Variants in EPHA6 observed in about 807,000 individuals in gnomAD.
The protein encoded by EPHA6 is ephrin type-A receptor 6.
Under a neutral mutation model 112.0 loss-of-function variants are expected in EPHA6, and 50 were observed. The ratio of observed to expected loss-of-function variants is 0.45; its 90% CI spans 0.36 to 0.56. The LOEUF (loss-of-function observed/expected upper bound fraction) is 0.56, where lower values mean the gene tolerates loss of function less well. EPHA6 is among the 20% of genes least tolerant of loss of function. The pLI is 0.00. For missense variants in EPHA6, 1,280 were observed against 1,417.4 expected (o/e 0.90, Z 1.56); for synonymous variants, 529 against 490.7 (o/e 1.08, Z -1.03).
intron 3 of EPHA6, among the ~76,000 whole-genome samples, chr3:97,223,592 G>A (rs2078266579): frequency 1.3e-5 from 2 of 152,138 alleles, no homozygotes; most frequent in African/African-American, 4.8e-5. Context: ...TGCTTGGGAG[G>A]CAGTTATCAA....
At chr3:97,728,610 C>T (rs897991804) in intron 15 of EPHA6, among the ~76,000 whole-genome samples, 1 of 152,104 alleles carries the variant, frequency 6.6e-6, no homozygotes, top group African/African-American at 2.4e-5. Context: ...AAAGTTCCTA[C>T]AGACTAAATC....
chr3:97,699,672 A>C (rs1367075867), intron 14 of EPHA6, among the ~76,000 whole-genome samples: 3 of 152,230 alleles, frequency 2.0e-5, no homozygotes, highest in Admixed American at 2.0e-4. Context: ...CAACATAGAA[A>C]TTAAAACTTA....
intron 7 of EPHA6, among the ~76,000 whole-genome samples, chr3:97,461,042 A>G (rs1487931272): frequency 1.3e-5 from 2 of 152,176 alleles, no homozygotes; most frequent in Admixed American, 1.3e-4. Context: ...AGTATCTGAC[A>G]CAAGTAACAC....
intron 2 of EPHA6, among the ~76,000 whole-genome samples, chr3:96,910,232 A>G (rs139804373): frequency 9.9e-5 from 15 of 152,132 alleles, no homozygotes; most frequent in Non-Finnish European, 1.9e-4. Context: ...TAATCCATCC[A>G]ATTTCTGAGG....
intron 16 of EPHA6, among the ~76,000 whole-genome samples, chr3:97,737,308 C>T (rs2035302648): frequency 1.3e-5 from 2 of 151,854 alleles, no homozygotes; most frequent in South Asian, 2.1e-4. Context: ...ACTGTGAGTG[C>T]AAAACAAGGA....
intron 5 of EPHA6, among the ~76,000 whole-genome samples, chr3:97,268,967 A>G (rs919592469): frequency 2.6e-5 from 4 of 152,212 alleles, no homozygotes; most frequent in Non-Finnish European, 5.9e-5. Flanking sequence ...GTTTCTAACT[A>G]TATGTTACTT....
At chr3:97,020,720 T>C (rs1380553152) in intron 3 of EPHA6, among the ~76,000 whole-genome samples, 1 of 152,214 alleles carries the variant, frequency 6.6e-6, no homozygotes, top group African/African-American at 2.4e-5. Flanking sequence ...GATAAAAATT[T>C]ACTTGCTAAA....
intron 6 of EPHA6, among the ~76,000 whole-genome samples, chr3:97,410,593 C>T (rs548277635): frequency 1.2e-4 from 19 of 152,068 alleles, no homozygotes; most frequent in Admixed American, 3.9e-4. Flanking sequence ...AGTTAAATGT[C>T]GTTATTACAC....
chr3:97,136,665 G>A (rs2075777488), intron 3 of EPHA6, among the ~76,000 whole-genome samples: 1 of 152,134 alleles, frequency 6.6e-6, no homozygotes, highest in Non-Finnish European at 1.5e-5. Flanking sequence ...GGAGATGGAG[G>A]CTACAGTGAG....
At chr3:97,162,363 C>T (rs925577685) in intron 3 of EPHA6, among the ~76,000 whole-genome samples, 2 of 152,146 alleles carry the variant, frequency 1.3e-5, no homozygotes, top group African/African-American at 4.8e-5. Flanking sequence ...TGGGATTCTG[C>T]CACCAGCTGA....
chr3:96,959,299 C>G (rs1026885832), intron 2 of EPHA6, among the ~76,000 whole-genome samples: 3 of 152,084 alleles, frequency 2.0e-5, no homozygotes, highest in Non-Finnish European at 2.9e-5. Flanking sequence ...AGCCATTTGT[C>G]TATTTTCTTT....
At chr3:96,926,990 T>C (rs1322999008) in intron 2 of EPHA6, among the ~76,000 whole-genome samples, 1 of 152,076 alleles carries the variant, frequency 6.6e-6, no homozygotes, top group Non-Finnish European at 1.5e-5. Context: ...CTAGCAAAGG[T>C]TCTCCATGAA....
At chr3:96,927,918 C>G (rs1269929483) in intron 2 of EPHA6, among the ~76,000 whole-genome samples, 1 of 152,112 alleles carries the variant, frequency 6.6e-6, no homozygotes, top group East Asian at 1.9e-4. Context: ...GCTGGGCAGG[C>G]CTCAGAAACA....
chr3:97,145,875 T>C (rs1315393766), intron 3 of EPHA6, among the ~76,000 whole-genome samples: 1 of 151,650 alleles, frequency 6.6e-6, no homozygotes, highest in African/African-American at 2.4e-5. Context: ...ACTTCAAGAA[T>C]GTATTGGTTA....
intron 5 of EPHA6, among the ~76,000 whole-genome samples, chr3:97,374,860 G>T (rs904064295): frequency 1.3e-5 from 2 of 152,026 alleles, no homozygotes; most frequent in South Asian, 4.1e-4. Context: ...TTCACTACCA[G>T]ATTTAAATAT....
At chr3:97,566,993 G>T (rs565044682) in intron 11 of EPHA6, among the ~76,000 whole-genome samples, 1 of 152,188 alleles carries the variant, frequency 6.6e-6, no homozygotes, top group African/African-American at 2.4e-5. Context: ...GAAACCACAT[G>T]AACTGACAGA....
intron 3 of EPHA6, among the ~76,000 whole-genome samples, chr3:97,152,127 G>A (rs1221773707): frequency 2.0e-5 from 3 of 151,494 alleles, no homozygotes; most frequent in Admixed American, 6.6e-5. Context: ...ACTGAGAAAC[G>A]GGATGCCAAA....
rs2033861894 is a variant in EPHA6, at chr3:96,829,240, T to C, written c.385+14232T>C. On this transcript the variant is annotated intron_variant, in intron 1 of 17. Coordinates refer to ENST00000389672, the MANE Select transcript of EPHA6 (RefSeq NM_001080448.3). The stretch of plus-strand genomic sequence containing the variant: ...ATGGGAGTAGAGGAGAATCATTCGT[T>C]TTATGTTTGGAAACTTAAAAGGGAA... Among the ~76,000 whole-genome samples, 3 of 152,284 alleles carry C rather than the reference T, an allele frequency of 2.0e-5. No homozygotes were observed. The South Asian group carries it at 6.2e-4, about 32-fold the overall frequency.
chr3:97,377,740 A>G (rs1026773281), intron 5 of EPHA6, among the ~76,000 whole-genome samples: 3 of 152,158 alleles, frequency 2.0e-5, no homozygotes, highest in African/African-American at 4.8e-5. Context: ...GACTGGCGGC[A>G]TTTTGCCCCT....
Sources: gnomAD v4.1 joint callset for allele counts (sites outside exome capture counted in the v4.1 genomes callset) on GRCh38, gnomAD v4.1.1 for gene constraint, MANE v1.5 for transcripts, NCBI Gene and HGNC (gene_info 2026-07-23, HGNC 2026-07-21) for gene names.